The following LRP1B variants were observed in gnomAD, a reference collection of about 807,000 sequenced individuals.
LRP1B encodes LDL receptor related protein 1B, also known as low-density lipoprotein receptor-related protein 1B.
Under a neutral mutation model 556.6 loss-of-function variants are expected in LRP1B, and 217 were observed. That is an observed-to-expected ratio of 0.39 (90% confidence interval 0.35 to 0.44). LRP1B has a LOEUF of 0.44. Among genes scored for constraint, LRP1B ranks in the 20% least tolerant of loss-of-function variants. The probability of loss-of-function intolerance (pLI) is 1.00; values close to 1 mark genes in which losing one functional copy is unlikely to be tolerated. For synonymous variants in LRP1B, 2,047 were observed against 1,865.8 expected (o/e 1.10, Z -2.50); for missense variants, 5,053 against 5,620.8 (o/e 0.90, Z 3.23).
intron 41 of LRP1B, among the ~76,000 whole-genome samples, chr2:140,607,157 G>A (rs1024978464): frequency 2.0e-5 from 3 of 151,992 alleles, no homozygotes; most frequent in Non-Finnish European, 2.9e-5. Context: ...CTCCAAAGAA[G>A]ATACACAAAT....
chr2:141,181,752 G>T (rs1249424), intron 7 of LRP1B, among the ~76,000 whole-genome samples: 1 of 151,924 alleles, frequency 6.6e-6, no homozygotes, highest in Non-Finnish European at 1.5e-5. Flanking sequence ...TTGTAATAGA[G>T]ATATAATTTA....
chr2:141,513,749 A>C (rs1684210214), intron 2 of LRP1B, among the ~76,000 whole-genome samples: 1 of 149,766 alleles, frequency 6.7e-6, no homozygotes, highest in African/African-American at 2.5e-5. Context: ...AAAATAAAAT[A>C]AAATAAAATC....
At chr2:140,391,197 T>C (rs1446191772) in intron 66 of LRP1B, among the ~76,000 whole-genome samples, 1 of 152,082 alleles carries the variant, frequency 6.6e-6, no homozygotes, top group Non-Finnish European at 1.5e-5. Context: ...ATAAAAAAAC[T>C]AAATTCTTAA....
At chr2:140,894,869 G>C (rs563175191) in intron 23 of LRP1B, among the ~76,000 whole-genome samples, 1 of 151,884 alleles carries the variant, frequency 6.6e-6, no homozygotes, top group Admixed American at 6.6e-5. Flanking sequence ...CTTGAACCTG[G>C]GAGGCAGAGG....
At chr2:140,726,214 A>C (rs1243018591) in intron 35 of LRP1B, among the ~76,000 whole-genome samples, 1 of 152,184 alleles carries the variant, frequency 6.6e-6, no homozygotes, top group African/African-American at 2.4e-5. Flanking sequence ...GTGGTTCAGT[A>C]CTAAAGAGAT....
intron 83 of LRP1B, among the ~76,000 whole-genome samples, chr2:140,310,414 CAAAAA>C (rs10670842): frequency 1.6e-5 from 2 of 124,858 alleles, no homozygotes; most frequent in African/African-American, 3.0e-5. Flanking sequence ...CATACGGAAC[CAAAAA>C]AAAAAAAAAG....
intron 3 of LRP1B, among the ~76,000 whole-genome samples, chr2:141,346,885 G>T (rs1169287611): frequency 1.3e-5 from 2 of 151,782 alleles, no homozygotes; most frequent in East Asian, 3.9e-4. Flanking sequence ...TTATTCTTTT[G>T]TAATTCATTA....
chr2:141,706,352 CTG>C (rs1212615477), intron 2 of LRP1B, among the ~76,000 whole-genome samples: 5 of 152,210 alleles, frequency 3.3e-5, no homozygotes, highest in Admixed American at 6.6e-5. Flanking sequence ...AGAAGAGAGA[CTG>C]TGTCTCATTC....
At position 140,868,124 on chromosome 2, in the gene LRP1B, T is replaced by C. The variant is rs1156284865; in HGVS notation, c.4309A>G (p.Lys1437Glu). The part of the protein sequence containing the change: ...PNGLTVDHFE[K>E]RIVWTDARSD... ...CTGGCGTCTGTCCACACTATCCTTTTCTCAAAGTGGTCCACAGTTAGTCCA... is the reference window on the plus strand; with the variant it reads ...CTGGCGTCTGTCCACACTATCCTTTCCTCAAAGTGGTCCACAGTTAGTCCA... Residue 1437 changes from lysine (K) to glutamate (E), a missense_variant, in exon 26 of 91, where the codon AAA becomes GAA. Transcript: ENST00000389484. 3.1e-6 allele frequency: 5 copies of C among 1,604,454 alleles called. No homozygotes were observed. The highest frequency in any genetic ancestry group is 1.3e-5 in the African/African-American group (1 of 74,250).
At chr2:140,518,298 A>C (rs1208976117) in intron 49 of LRP1B, among the ~76,000 whole-genome samples, 1 of 152,102 alleles carries the variant, frequency 6.6e-6, no homozygotes, top group Non-Finnish European at 1.5e-5. Context: ...TCTAATCTGA[A>C]GTATTTAGGC....
chr2:140,595,220 C>T (rs1438752707), intron 43 of LRP1B, among the ~76,000 whole-genome samples: 2 of 149,216 alleles, frequency 1.3e-5, no homozygotes, highest in African/African-American at 4.9e-5. Context: ...GAATGGATTA[C>T]AACAATTGAC....
At chr2:140,527,126 T>C (rs1421677756) in intron 47 of LRP1B, among the ~76,000 whole-genome samples, 1 of 152,002 alleles carries the variant, frequency 6.6e-6, no homozygotes, top group Non-Finnish European at 1.5e-5. Flanking sequence ...AATATGCTAT[T>C]GTCATTATAT....
chr2:141,136,824 T>C (rs1701504528), intron 7 of LRP1B, among the ~76,000 whole-genome samples: 1 of 151,902 alleles, frequency 6.6e-6, no homozygotes, highest in South Asian at 2.1e-4. Flanking sequence ...GCAGAACTTC[T>C]ATCACAGGTA....
chr2:141,325,682 G>A (rs1023196897), intron 3 of LRP1B, among the ~76,000 whole-genome samples: 2 of 151,984 alleles, frequency 1.3e-5, no homozygotes, highest in Non-Finnish European at 2.9e-5. Flanking sequence ...GTTTTCTTAC[G>A]ATGGAAAAAA....
intron 18 of LRP1B, among the ~76,000 whole-genome samples, chr2:140,954,414 A>G (rs921230461): frequency 1.3e-5 from 2 of 152,096 alleles, no homozygotes; most frequent in East Asian, 1.9e-4. Flanking sequence ...TTGACTCTAT[A>G]ATAAGCTAAT....
At chr2:140,652,604 A>G (rs1684727574) in intron 41 of LRP1B, among the ~76,000 whole-genome samples, 1 of 152,040 alleles carries the variant, frequency 6.6e-6, no homozygotes, top group Non-Finnish European at 1.5e-5. Flanking sequence ...TTTACAAGAA[A>G]TTTGTGTTAT....
At chr2:140,368,170 T>C (rs1001075813) in intron 71 of LRP1B, among the ~76,000 whole-genome samples, 1 of 151,830 alleles carries the variant, frequency 6.6e-6, no homozygotes, top group Non-Finnish European at 1.5e-5. Flanking sequence ...ACAAAAAAGG[T>C]ATAATTTAAA....
At chr2:141,338,168 A>G (rs1048379492) in intron 3 of LRP1B, among the ~76,000 whole-genome samples, 7 of 152,154 alleles carry the variant, frequency 4.6e-5, no homozygotes, top group Non-Finnish European at 8.8e-5. Context: ...ATATTGTATT[A>G]GCTCGATTCT....
intron 1 of LRP1B, among the ~76,000 whole-genome samples, chr2:141,902,533 T>C (rs967411927): frequency 8.6e-5 from 13 of 151,850 alleles, no homozygotes; most frequent in South Asian, 2.1e-4. Flanking sequence ...CAGAGAAGAG[T>C]AGAATAGAAG....
Sources: allele counts gnomAD v4.1 joint callset (sites outside exome capture counted in the v4.1 genomes callset), GRCh38; gene constraint gnomAD v4.1.1; transcripts MANE v1.5; gene names NCBI Gene and HGNC (gene_info 2026-07-23, HGNC 2026-07-21).